Variants in LRIG3 observed in about 807,000 individuals in gnomAD.
The protein encoded by LRIG3 is leucine rich repeats and immunoglobulin like domains 3, also known as leucine-rich repeats and immunoglobulin-like domains protein 3.
LRIG3 carries 76 observed loss-of-function variants against 114.5 expected under a neutral mutation model. The observed-to-expected ratio is 0.66, with a 90% CI of 0.55 to 0.80. LRIG3 has a LOEUF of 0.80. Ranked by LOEUF, LRIG3 falls within the 30% of genes least tolerant of loss-of-function variation. LRIG3 has a pLI of 0.00. For missense variants in LRIG3, 1,239 were observed against 1,382.8 expected (o/e 0.90, Z 1.65); for synonymous variants, 512 against 519.8 (o/e 0.98, Z 0.20).
intron 18 of LRIG3, chr12:58,873,462 G>A (rs2120862105): frequency 6.5e-6 from 1 of 154,106 alleles, no homozygotes; most frequent in South Asian, 2.0e-4. Flanking sequence ...TCTGTTCAGT[G>A]AAAAGATGAC....
chr12:58,887,876 C>T lies in LRIG3; in HGVS notation c.1004G>A (p.Ser335Asn). 6.2e-7 allele frequency: 1 copy of T among 1,613,846 alleles called. No homozygotes were observed. The highest frequency in any genetic ancestry group is 8.5e-7 in the Non-Finnish European group (1 of 1,179,852). ...CCCAATGTGCAGTGTATTTAGTAAG[C>T]TTAGGCCAAGGAAGCTTGAATCATC... ...RLDDSSFLGL[S>N]LLNTLHIGNN... Residue 335 changes from serine (S) to asparagine (N), a missense_variant, in exon 8 of 19, where the codon AGC becomes AAC. Ser to Asn is a conservative substitution (Grantham distance 46, BLOSUM62 1). Transcript: ENST00000320743.
chr12:58,876,641 A>G (rs1237279983), intron 15 of LRIG3, 38 bp from the exon 16 acceptor site: 2 of 1,609,270 alleles, frequency 1.2e-6, no homozygotes, highest in African/African-American at 1.3e-5. Flanking sequence ...ACCAAGGATG[A>G]TCGTTAATTG....
At chr12:58,880,183 C>A (rs1397049199) in intron 13 of LRIG3, among the ~76,000 whole-genome samples, 1 of 151,836 alleles carries the variant, frequency 6.6e-6, no homozygotes, top group Non-Finnish European at 1.5e-5. Context: ...GTAATCCCAG[C>A]TACTCAGGAG....
intron 12 of LRIG3, among the ~76,000 whole-genome samples, chr12:58,881,326 CA>C (rs1229094163): frequency 6.9e-6 from 1 of 145,786 alleles, no homozygotes; most frequent in Admixed American, 7.0e-5. Flanking sequence ...ATTAGGAAAT[CA>C]AACATCAATC....
At chr12:58,896,054 C>G (rs1397110881) in intron 3 of LRIG3, among the ~76,000 whole-genome samples, 1 of 152,182 alleles carries the variant, frequency 6.6e-6, no homozygotes, top group Non-Finnish European at 1.5e-5. Flanking sequence ...TAGGGTCCCC[C>G]TGTGCTCAGG....
At chr12:58,904,149 C>T (rs375939336) in intron 3 of LRIG3, among the ~76,000 whole-genome samples, 2 of 152,122 alleles carry the variant, frequency 1.3e-5, no homozygotes, top group African/African-American at 4.8e-5. Flanking sequence ...AAGCAACTTT[C>T]AGCCAAAGAG....
chr12:58,877,649 C>T lies in LRIG3; in HGVS notation c.2287G>A (p.Gly763Arg). The T allele has an allele frequency of 1.9e-6, 3 of 1,614,176 alleles. No individual in the cohort carries two copies. The highest frequency in any genetic ancestry group is 2.5e-6 in the Non-Finnish European group (3 of 1,180,038). The change falls in exon 15 of 19, where the codon GGG (glycine) becomes AGG (arginine). Residue 763 changes from glycine to arginine, a missense_variant. Physicochemically the swap from Gly to Arg is moderately radical, Grantham distance 125. Coordinates refer to ENST00000320743, the MANE Select transcript of LRIG3 (RefSeq NM_153377.5). ...IIVDSDVSDA[G>R]KYTCEMSNTL... ...TTAGACATCTCACATGTGTATTTCC[C>T]AGCATCACTGACATCTGAGTCCACA...
intron 3 of LRIG3, among the ~76,000 whole-genome samples, chr12:58,891,065 C>G (rs918705623): frequency 7.2e-5 from 11 of 151,892 alleles, no homozygotes; most frequent in Admixed American, 5.3e-4. Context: ...CACTTAAAGA[C>G]AGTGGTTTGA....
chr12:58,881,878 AC>A (rs1460700088), intron 12 of LRIG3, among the ~76,000 whole-genome samples: 3 of 152,226 alleles, frequency 2.0e-5, no homozygotes, highest in Admixed American at 6.5e-5. Context: ...AGTGAAAAAA[AC>A]GATGGATACT....
chr12:58,874,706 AT>A (rs1870859360), intron 16 of LRIG3, 133 bp from the exon 17 acceptor site: 2 of 1,138,618 alleles, frequency 1.8e-6, no homozygotes, highest in African/African-American at 1.6e-5. Flanking sequence ...AATTGCAAAA[AT>A]TTACAGTAGG....
chr12:58,908,091 C>G (rs1355554170), intron 3 of LRIG3, among the ~76,000 whole-genome samples: 1 of 152,206 alleles, frequency 6.6e-6, no homozygotes, highest in Non-Finnish European at 1.5e-5. Context: ...CATGACTGTC[C>G]TAATTTCCTG....
intron 3 of LRIG3, among the ~76,000 whole-genome samples, chr12:58,907,034 C>A (rs1806423006): frequency 6.6e-6 from 1 of 152,058 alleles, no homozygotes; most frequent in Non-Finnish European, 1.5e-5. Flanking sequence ...TGAGCTGATC[C>A]CTGCAAACTC....
chr12:58,884,751 A>C (rs1378895831), intron 10 of LRIG3, among the ~76,000 whole-genome samples: 1 of 152,188 alleles, frequency 6.6e-6, no homozygotes, highest in Admixed American at 6.5e-5. Context: ...ATAACAGCTA[A>C]ATCTTCACTC....
chr12:58,911,534 A>T (rs761505238), intron 3 of LRIG3, among the ~76,000 whole-genome samples: 13 of 152,240 alleles, frequency 8.5e-5, no homozygotes, highest in Non-Finnish European at 1.8e-4. Context: ...TAAAAGATAC[A>T]AACAAAAAAC....
chr12:58,899,961 G>A (rs1322965654), intron 3 of LRIG3, among the ~76,000 whole-genome samples: 1 of 152,144 alleles, frequency 6.6e-6, no homozygotes, highest in African/African-American at 2.4e-5. Flanking sequence ...TGAGGGCTGG[G>A]GGTGTTGCCT....
chr12:58,907,386 A>G (rs2120967566), intron 3 of LRIG3, among the ~76,000 whole-genome samples: 1 of 152,136 alleles, frequency 6.6e-6, no homozygotes, highest in Non-Finnish European at 1.5e-5. Context: ...TGAAGAGAGA[A>G]GTTTTCCTGA....
intron 1 of LRIG3, among the ~76,000 whole-genome samples, chr12:58,916,360 G>T (rs750407906): frequency 6.6e-6 from 1 of 152,174 alleles, no homozygotes; most frequent in East Asian, 1.9e-4. Context: ...TACATTATAT[G>T]TAGGAGGAAA....
At chr12:58,887,278 G>T (rs1592298656) in intron 8 of LRIG3, among the ~76,000 whole-genome samples, 1 of 152,120 alleles carries the variant, frequency 6.6e-6, no homozygotes, top group South Asian at 2.1e-4. Flanking sequence ...AGCGAACAGA[G>T]CAAAAGTTTC....
chr12:58,888,582 T>C, intron 6 of LRIG3, 110 bp from the exon 7 acceptor site: 1 of 1,418,850 alleles, frequency 7.0e-7, no homozygotes, highest in South Asian at 1.5e-5. Flanking sequence ...ATTAGATGTT[T>C]AGCTTTTGTT....
Sources: allele counts gnomAD v4.1 joint callset (sites outside exome capture counted in the v4.1 genomes callset), GRCh38; gene constraint gnomAD v4.1.1; transcripts MANE v1.5; gene names NCBI Gene and HGNC (gene_info 2026-07-23, HGNC 2026-07-21).